Variants in CACNA1B observed in about 807,000 individuals in gnomAD.
CACNA1B encodes the protein calcium voltage-gated channel subunit alpha1 B.
CACNA1B carries 70 observed loss-of-function variants against 247.2 expected under a neutral mutation model. The observed-to-expected ratio is 0.28, with a 90% CI of 0.23 to 0.35. The LOEUF is 0.35. Among genes scored for constraint, CACNA1B ranks in the 10% least tolerant of loss-of-function variants. CACNA1B has a pLI of 1.00. For synonymous variants in CACNA1B, 1,231 were observed against 1,294.4 expected (o/e 0.95, Z 1.05); for missense variants, 2,367 against 3,197.4 (o/e 0.74, Z 6.26).
chr9:137,984,811 C>T (rs1958337517), intron 13 of CACNA1B, among the ~76,000 whole-genome samples: 1 of 152,248 alleles, frequency 6.6e-6, no homozygotes, highest in Non-Finnish European at 1.5e-5. Context: ...TCCCACTTGA[C>T]TCTGGAAGTG....
chr9:138,027,213 T>C (rs1958932050), intron 20 of CACNA1B, among the ~76,000 whole-genome samples: 1 of 152,224 alleles, frequency 6.6e-6, no homozygotes, highest in Non-Finnish European at 1.5e-5. Flanking sequence ...TCCCATTTTG[T>C]GGCTTGGTTT....
chr9:137,894,286 C>A (rs1035440858), intron 3 of CACNA1B, among the ~76,000 whole-genome samples: 3 of 147,710 alleles, frequency 2.0e-5, no homozygotes, highest in African/African-American at 7.6e-5. Flanking sequence ...CTCGCCGGCA[C>A]GGGGGTTGTC....
At position 138,006,906 on chromosome 9, in the gene CACNA1B, G is replaced by A. The variant is rs534314732; in HGVS notation, c.2092+22G>A. On this transcript the variant is annotated intron_variant, in intron 16 of 46. Transcript: ENST00000371372. ...AACTGTATCCTTCTGTGGGGCTGGG[G>A]CAGAGGGTGGTCAGTGCTTGGCCCT... 20 of 1,319,082 alleles carry A rather than the reference G, an allele frequency of 1.5e-5. No homozygotes were observed. The African/African-American group carries it at 1.9e-4, about 12-fold the overall frequency. 81.7% of individuals were successfully genotyped at this position (1,319,082 alleles called of 1,614,324 possible).
chr9:138,078,024 C>A, intron 35 of CACNA1B, 90 bp from the exon 36 acceptor site: 1 of 1,185,014 alleles, frequency 8.4e-7, no homozygotes, highest in Non-Finnish European at 1.2e-6. Context: ...TGGGAAGGAG[C>A]CCAAAGGAGT....
At chr9:138,109,525 A>C (rs757249622) in intron 39 of CACNA1B, among the ~76,000 whole-genome samples, 1 of 152,160 alleles carries the variant, frequency 6.6e-6, no homozygotes, top group Non-Finnish European at 1.5e-5. Context: ...GAAAAAGAGC[A>C]AGTGGATTTC....
rs1369570389 is a variant in CACNA1B at position 137,891,964 on chromosome 9, C to G, written c.530+9081C>G. The G allele has an allele frequency of 2.3e-6, 1 of 441,144 alleles. No individual in the cohort carries two copies. The highest frequency in any genetic ancestry group is 4.6e-6 in the Non-Finnish European group (1 of 218,290). The allele number at this position is 441,144 out of a possible 1,614,324, so 27.3% of individuals were successfully genotyped here. A position where few individuals can be genotyped will look rare whatever the true frequency, so the allele number is the denominator to read the frequency against. On this transcript the variant is annotated intron_variant, in intron 3 of 46. Coordinates refer to ENST00000371372, the MANE Select transcript of CACNA1B (RefSeq NM_000718.4). The surrounding 1 kb of genome is among the most constrained non-coding windows in gnomAD (Gnocchi z 4.3). The stretch of plus-strand genomic sequence containing the variant: ...CTAGCCAATGCCACCCTCCCTGTCT[C>G]CCCTGAGAGCACAGGAGCCTGGTGA...
chr9:138,118,458 G>A (rs2131371486), intron 43 of CACNA1B, among the ~76,000 whole-genome samples, 194 bp from the exon 44 acceptor site: 1 of 143,898 alleles, frequency 6.9e-6, no homozygotes, highest in Middle Eastern at 3.6e-3. Context: ...TGTGAGACTG[G>A]GGTGGGGGAT....
At chr9:137,892,353 C>T (rs540383466) in intron 3 of CACNA1B, 5 of 456,732 alleles carry the variant, frequency 1.1e-5, no homozygotes, top group Admixed American at 9.4e-5. Context: ...GGTGCTGATC[C>T]GATGGACCCC....
At position 137,919,959 on chromosome 9, in the gene CACNA1B, G is replaced by A. The variant is rs536518079; in HGVS notation, c.966+2528G>A. Among the ~76,000 whole-genome samples, 4 of 152,230 alleles carry A rather than the reference G, an allele frequency of 2.6e-5. No homozygotes were observed. The highest frequency in any genetic ancestry group is 4.4e-5 in the Non-Finnish European group (3 of 68,010). On this transcript the variant is annotated intron_variant, in intron 6 of 46. Transcript: ENST00000371372. The surrounding 1 kb of genome is among the most constrained non-coding windows in gnomAD (Gnocchi z 4.6). Reference sequence around the variant, plus strand: ...GGATGAGCCTGGGGAGAGACGAGTCGGCAGTAAATTCCTGTTAGGTCCAGA... The same window carrying A: ...GGATGAGCCTGGGGAGAGACGAGTCAGCAGTAAATTCCTGTTAGGTCCAGA...
At chr9:137,878,877 G>A (rs943628548) in intron 1 of CACNA1B, among the ~76,000 whole-genome samples, 177 bp from the exon 2 acceptor site, 7 of 152,198 alleles carry the variant, frequency 4.6e-5, no homozygotes, top group East Asian at 1.9e-4. Flanking sequence ...CGCCCCTAGG[G>A]ATGGGGGCAG....
intron 40 of CACNA1B, 110 bp downstream of exon 40, chr9:138,112,615 AG>A: frequency 4.2e-6 from 3 of 721,508 alleles, no homozygotes; most frequent in Non-Finnish European, 7.5e-6. Context: ...GCCACCTTGG[AG>A]AGGTGGGCTC....
intron 41 of CACNA1B, among the ~76,000 whole-genome samples, chr9:138,114,776 G>T (rs1961796475): frequency 6.6e-6 from 1 of 152,170 alleles, no homozygotes; most frequent in Non-Finnish European, 1.5e-5. Flanking sequence ...GTTGTTATGG[G>T]GTGGAAGAGA....
chr9:138,100,658 G>A lies in CACNA1B; in HGVS notation c.5223-2053G>A, dbSNP rs1961221522. Among the ~76,000 whole-genome samples, 1 of 152,264 alleles carries A rather than the reference G, an allele frequency of 6.6e-6. No homozygotes were observed. Among genetic ancestry groups the A allele is most frequent in the Admixed American group, 6.5e-5 (1 of 15,300 alleles). Reference sequence around the variant, plus strand: ...CCTTAGCTGGACCAGGGCTTCCAGGGGAGGACACAGAGTGTTCAGGGAGAC... The same window carrying A: ...CCTTAGCTGGACCAGGGCTTCCAGGAGAGGACACAGAGTGTTCAGGGAGAC... On this transcript the variant is annotated intron_variant, in intron 37 of 46. Coordinates refer to ENST00000371372, the MANE Select transcript of CACNA1B (RefSeq NM_000718.4). This position sits in a 1 kb window ranked among gnomAD's most constrained non-coding sequence, Gnocchi z 4.6.
Position 137,999,154 on chromosome 9 carries a change from T to G in CACNA1B, c.1975-7613T>G, listed in dbSNP as rs1176329410. On this transcript the variant is annotated intron_variant, in intron 15 of 46. Coordinates refer to ENST00000371372, the MANE Select transcript of CACNA1B (RefSeq NM_000718.4). The stretch of plus-strand genomic sequence containing the variant: ...CAAAATGGCGAGACCCCGTATCTAC[T>G]GAAAATACAAAATTTAGCCAGGTGT... Among the ~76,000 whole-genome samples, 6 of 152,210 alleles carry G rather than the reference T, an allele frequency of 3.9e-5. No individual in the cohort carries two copies. In the East Asian group the frequency reaches 1.2e-3, roughly 29 times the overall value.
chr9:137,883,606 G>A (rs1475812254), intron 3 of CACNA1B, among the ~76,000 whole-genome samples: 1 of 150,658 alleles, frequency 6.6e-6, no homozygotes, highest in Non-Finnish European at 1.5e-5. Flanking sequence ...CCCCTTTCCT[G>A]CTTCCCTGAC....
In CACNA1B at chr9:138,102,299, GCCAGCTCTTCTGGCAGGGTGGA is replaced by G. The variant is rs1402416260; in HGVS notation, c.5223-402_5223-381del. Among the ~76,000 whole-genome samples, 10 of 152,260 alleles carry G rather than the reference GCCAGCTCTTCTGGCAGGGTGGA, an allele frequency of 6.6e-5. No individual in the cohort carries two copies. The highest frequency in any genetic ancestry group is 3.3e-4 in the Admixed American group (5 of 15,308). On this transcript the variant is annotated intron_variant, in intron 37 of 46. Coordinates refer to ENST00000371372, the MANE Select transcript of CACNA1B (RefSeq NM_000718.4). This position sits in a 1 kb window ranked among gnomAD's most constrained non-coding sequence, Gnocchi z 5.4. ...CCTCATCTGCCACCTGACCCCGCCT[GCCAGCTCTTCTGGCAGGGTGGA>G]CCAGCTCTTTTCTGATTGGCATTCA...
In CACNA1B at chr9:137,950,911, TC is replaced by T. The variant is rs1455491614; in HGVS notation, c.967-1360del. Among the ~76,000 whole-genome samples the T allele has an allele frequency of 6.6e-6, 1 of 152,334 alleles. No individual in the cohort carries two copies. The highest frequency in any genetic ancestry group is 2.4e-5 in the African/African-American group (1 of 41,576). On this transcript the variant is annotated intron_variant, in intron 6 of 46. Transcript: ENST00000371372. The surrounding 1 kb of genome is among the most constrained non-coding windows in gnomAD (Gnocchi z 4.8). ...ATGGCAGAGTATGTCTGCTCCATCT[TC>T]CCAGAAGTGGAAGTCCTGTTTTTTA...
intron 36 of CACNA1B, among the ~76,000 whole-genome samples, chr9:138,089,434 C>T (rs994317684): frequency 1.3e-5 from 2 of 152,060 alleles, no homozygotes; most frequent in African/African-American, 4.8e-5. Context: ...ATTATCATCT[C>T]AATAGACACA....
At chr9:138,114,239 C>T in intron 40 of CACNA1B, 139 bp from the exon 41 acceptor site, 1 of 605,224 alleles carries the variant, frequency 1.7e-6, no homozygotes, top group Non-Finnish European at 3.0e-6. Flanking sequence ...TGCCTGAGAG[C>T]CCTCTGTCCC....
Sources: gnomAD v4.1 joint callset for allele counts (sites outside exome capture counted in the v4.1 genomes callset) on GRCh38, gnomAD v4.1.1 for gene constraint, Gnocchi (gnomAD v3.1) non-coding constraint, MANE v1.5 for transcripts, NCBI Gene and HGNC (gene_info 2026-07-23, HGNC 2026-07-21) for gene names.